Variants in SIRPA observed in about 807,000 individuals in gnomAD.
The protein encoded by SIRPA is signal regulatory protein alpha.
SIRPA carries 9 observed loss-of-function variants against 50.3 expected under a neutral mutation model. That is an observed-to-expected ratio of 0.18 (90% CI 0.11 to 0.31). The LOEUF is 0.31. Ranked by LOEUF, SIRPA falls within the 10% of genes least tolerant of loss-of-function variation. The pLI is 1.00. For missense variants in SIRPA, 474 were observed against 661.6 expected, an observed-to-expected ratio of 0.72 and a Z score of 3.11; for synonymous variants, 265 against 284.1, an observed-to-expected ratio of 0.93 and a Z score of 0.68.
rs1001882194 is a variant in SIRPA, at chr20:1,895,470, C to T, written c.23C>T (p.Pro8Leu). MEPAGPA[P>L]GRLGPLLCLL... ...CCCATGGAGCCCGCCGGCCCGGCCC[C>T]CGGCCGCCTCGGGCCGCTGCTCTGC... The change falls in exon 1 of 8, where the codon CCC becomes CTC. Residue 8 changes from proline (P) to leucine (L), a missense_variant. Pro to Leu is a moderately conservative substitution (Grantham distance 98). Around this residue, in one of 4 missense-constraint regions of SIRPA, gnomAD observed 72 missense variants for 76.2 expected, o/e 0.94. Coordinates refer to ENST00000358771, the MANE Select transcript of SIRPA (RefSeq NM_001040023.2). 8.4e-6 allele frequency: 12 copies of T among 1,431,766 alleles called. No homozygotes were observed. In the African/African-American group the frequency reaches 1.7e-4, roughly 20 times the overall value. The allele number at this position is 1,431,766 out of a possible 1,614,324, so 88.7% of individuals were successfully genotyped here.
chr20:1,896,426 A>G (rs1043158960), intron 1 of SIRPA, among the ~76,000 whole-genome samples: 17 of 100,010 alleles, frequency 1.7e-4, no homozygotes, highest in African/African-American at 5.8e-4. Flanking sequence ...TTGCAAAACC[A>G]TGGGTCTCCT....
In SIRPA at chr20:1,937,601, T is replaced by C; in HGVS notation, c.*33T>C. ...CGTGGTTTGCTCTAGCACCCATCTC[T>C]ACGCGCTTTCTTGTCCCACAGGGAG... is the stretch of plus-strand genomic sequence containing the variant. On this transcript the variant is annotated 3_prime_UTR_variant, in exon 8 of 8. Transcript: ENST00000358771. This position sits in a 1 kb window ranked among gnomAD's most constrained non-coding sequence, Gnocchi z 8.3. 1 of 1,604,624 alleles carries C rather than the reference T, an allele frequency of 6.2e-7. No individual in the cohort carries two copies. Among genetic ancestry groups the C allele is most frequent in the East Asian group, 2.2e-5 (1 of 44,648 alleles).
At chr20:1,900,225 C>T (rs961319796) in intron 1 of SIRPA, among the ~76,000 whole-genome samples, 62 of 151,806 alleles carry the variant, frequency 4.1e-4, no homozygotes, top group African/African-American at 1.5e-3. Flanking sequence ...CTCAGCCTCC[C>T]GAGTAGCTGG....
intron 1 of SIRPA, 60 bp downstream of exon 1, chr20:1,895,586 G>C: frequency 7.9e-7 from 1 of 1,260,138 alleles, no homozygotes; most frequent in South Asian, 1.9e-5. Flanking sequence ...AGGCCTCTCA[G>C]ACTGGCACTG....
intron 2 of SIRPA, among the ~76,000 whole-genome samples, chr20:1,919,816 G>A (rs557421335): frequency 6.6e-6 from 1 of 152,302 alleles, no homozygotes; most frequent in South Asian, 2.1e-4. Flanking sequence ...GAAAAGGGGA[G>A]AGAATCCTCA....
At chr20:1,895,308 G>C, upstream of SIRPA, 1 of 511,002 alleles carries the variant, frequency 2.0e-6, no homozygotes, top group Non-Finnish European at 3.2e-6. Context: ...GGCCGCTCCA[G>C]GCGCCCGTTC....
Position 1,936,025 on chromosome 20 carries a change from G to A in SIRPA, c.1266+1271G>A, listed in dbSNP as rs753382211. Among the ~76,000 whole-genome samples the A allele has an allele frequency of 2.0e-5, 3 of 152,118 alleles. No individual in the cohort carries two copies. Among genetic ancestry groups the A allele is most frequent in the African/African-American group, 4.8e-5 (2 of 41,408 alleles). On this transcript the variant is annotated intron_variant, in intron 7 of 7. Coordinates refer to ENST00000358771, the MANE Select transcript of SIRPA (RefSeq NM_001040023.2). This position sits in a 1 kb window ranked among gnomAD's most constrained non-coding sequence, Gnocchi z 4.2. ...TCCCTTGGTCTCAGTGTCTTCAGCC[G>A]TAAAGTGGAATAGATAATCCTTCCC...
chr20:1,913,499 G>A (rs1017561607), intron 1 of SIRPA, among the ~76,000 whole-genome samples: 1 of 152,144 alleles, frequency 6.6e-6, no homozygotes, highest in Admixed American at 6.5e-5. Flanking sequence ...GACATCTGCC[G>A]CAGCCTTGTC....
At chr20:1,895,108 C>T (rs1266247803), upstream of SIRPA, among the ~76,000 whole-genome samples, 1 of 151,674 alleles carries the variant, frequency 6.6e-6, no homozygotes, top group Non-Finnish European at 1.5e-5. Flanking sequence ...CCCTCTTTCT[C>T]CCCCTCTCGC....
intron 2 of SIRPA, among the ~76,000 whole-genome samples, chr20:1,919,849 A>G (rs561442411): frequency 2.0e-4 from 30 of 152,158 alleles, no homozygotes; most frequent in Admixed American, 1.5e-3. Flanking sequence ...TGCTCCTTGT[A>G]TCATTTGGGT....
chr20:1,898,693 GGAGAGGGAGTGA>G lies in SIRPA; in HGVS notation c.79+3174_79+3185del, dbSNP rs1983977201. Among the ~76,000 whole-genome samples the G allele has an allele frequency of 6.6e-6, 1 of 152,022 alleles. No homozygotes were observed. The highest frequency in any genetic ancestry group is 1.5e-5 in the Non-Finnish European group (1 of 68,016). ...TAATCAGGATGATTTAGTCCAAGCT[GGAGAGGGAGTGA>G]GAGAGGCCCCTTTCTGGCCTTGGGT... On this transcript the variant is annotated intron_variant, in intron 1 of 7. Coordinates refer to ENST00000358771, the MANE Select transcript of SIRPA (RefSeq NM_001040023.2). This position sits in a 1 kb window ranked among gnomAD's most constrained non-coding sequence, Gnocchi z 4.3.
chr20:1,894,618 CTCG>C (rs1032321959), upstream of SIRPA: 2 of 151,146 alleles, frequency 1.3e-5, no homozygotes, highest in African/African-American at 2.4e-5. The surrounding 1 kb of genome is among the most constrained non-coding windows in gnomAD (Gnocchi z 4.0). Flanking sequence ...GAGCCGGAGG[CTCG>C]TCTAGTCCCG....
chr20:1,937,263 G>T lies in SIRPA; in HGVS notation c.1267-57G>T. ...CTTGGTATTCAGTTTGAGTGAGTGG[G>T]CCAGGGGCTATAGAATGACCTTCTC... On this transcript the variant is annotated intron_variant, in intron 7 of 7. Coordinates refer to ENST00000358771, the MANE Select transcript of SIRPA (RefSeq NM_001040023.2). The surrounding 1 kb of genome is among the most constrained non-coding windows in gnomAD (Gnocchi z 8.3). The T allele has an allele frequency of 6.4e-7, 1 of 1,574,088 alleles. No individual in the cohort carries two copies. The highest frequency in any genetic ancestry group is 1.2e-5 in the South Asian group (1 of 84,842).
rs1461157745 is a variant in SIRPA at position 1,938,471 on chromosome 20, G to C, written c.*903G>C. On this transcript the variant is annotated 3_prime_UTR_variant, in exon 8 of 8. Transcript: ENST00000358771. ...AAACAACAGCAACGTGATCTTGGCT[G>C]TCTGTCATGTGTTGAAGTCCATGGT... 6.5e-6 allele frequency: 1 copy of C among 152,696 alleles called. No individual in the cohort carries two copies. Among genetic ancestry groups the C allele is most frequent in the African/African-American group, 2.4e-5 (1 of 41,460 alleles). 9.5% of individuals were successfully genotyped at this position (152,696 alleles called of 1,614,324 possible).
chr20:1,925,428 A>G (rs1340886489), intron 5 of SIRPA, among the ~76,000 whole-genome samples: 1 of 152,234 alleles, frequency 6.6e-6, no homozygotes, highest in Non-Finnish European at 1.5e-5. Flanking sequence ...GCCCAGAAAT[A>G]TGAGCCACCT....
At chr20:1,912,428 C>A (rs1225723981) in intron 1 of SIRPA, among the ~76,000 whole-genome samples, 1 of 152,206 alleles carries the variant, frequency 6.6e-6, no homozygotes, top group African/African-American at 2.4e-5. Flanking sequence ...GGAGATTTGC[C>A]CAGGGTCATG....
chr20:1,924,692 A>G lies in SIRPA; in HGVS notation c.1088-72A>G. On this transcript the variant is annotated intron_variant, in intron 4 of 7. Coordinates refer to ENST00000358771, the MANE Select transcript of SIRPA (RefSeq NM_001040023.2). The surrounding 1 kb of genome is among the most constrained non-coding windows in gnomAD (Gnocchi z 4.5). The stretch of plus-strand genomic sequence containing the variant: ...AGTTAATGATGCCTGCTTAGTGGTG[A>G]AAAGCAGTGGTGGGTTTGGTTTTCT... 8.0e-7 allele frequency: 1 copy of G among 1,252,550 alleles called. No homozygotes were observed. Among genetic ancestry groups the G allele is most frequent in the Non-Finnish European group, 1.2e-6 (1 of 856,276 alleles). 77.6% of individuals were successfully genotyped at this position (1,252,550 alleles called of 1,614,324 possible). A position where few individuals can be genotyped will look rare whatever the true frequency, so the allele number is the denominator to read the frequency against.
intron 4 of SIRPA, among the ~76,000 whole-genome samples, chr20:1,922,992 C>A (rs1985761073): frequency 6.7e-6 from 1 of 148,384 alleles, no homozygotes; most frequent in African/African-American, 2.5e-5. Context: ...CTTCCCTACT[C>A]TTTCTAGCCC....
intron 6 of SIRPA, among the ~76,000 whole-genome samples, chr20:1,931,607 C>T (rs969838976): frequency 1.3e-5 from 2 of 152,164 alleles, no homozygotes; most frequent in African/African-American, 4.8e-5. Flanking sequence ...CAGCCAGCTT[C>T]GGCTTTGGCT....
Sources: allele counts gnomAD v4.1 joint callset (sites outside exome capture counted in the v4.1 genomes callset), GRCh38; gene constraint gnomAD v4.1.1; regional missense constraint gnomAD v4.1.1; non-coding constraint Gnocchi (gnomAD v3.1); transcripts MANE v1.5; gene names NCBI Gene and HGNC (gene_info 2026-07-23, HGNC 2026-07-21).